MBNL1: variants seen among roughly 807,000 people sequenced by gnomAD.
MBNL1 encodes muscleblind-like protein 1.
MBNL1 carries 8 observed loss-of-function variants against 42.2 expected under a neutral mutation model. The ratio of observed to expected loss-of-function variants is 0.19; its 90% CI spans 0.11 to 0.34. The LOEUF (loss-of-function observed/expected upper bound fraction) is 0.34. Among genes scored for constraint, MBNL1 ranks in the 10% least tolerant of loss-of-function variants. MBNL1 has a pLI of 1.00. For missense variants in MBNL1, 309 were observed against 495.3 expected, an observed-to-expected ratio of 0.62 and a Z score of 3.57; for synonymous variants, 169 against 173.9, an observed-to-expected ratio of 0.97 and a Z score of 0.22.
chr3:152,377,129 C>G (rs985074627), intron 2 of MBNL1, among the ~76,000 whole-genome samples: 3 of 152,140 alleles, frequency 2.0e-5, no homozygotes, highest in Admixed American at 2.0e-4. Context: ...AGTGAGAAGC[C>G]ATTAATGATG....
At chr3:152,352,239 C>T (rs1029764334) in intron 2 of MBNL1, among the ~76,000 whole-genome samples, 2 of 152,034 alleles carry the variant, frequency 1.3e-5, no homozygotes, top group African/African-American at 2.4e-5. Context: ...AAAATATGGC[C>T]GATGACAGCT....
At chr3:152,338,542 A>G (rs1385109967) in intron 2 of MBNL1, 2 of 985,212 alleles carry the variant, frequency 2.0e-6, no homozygotes, top group Admixed American at 1.2e-4. Flanking sequence ...CCTAGCCTGG[A>G]CACTCAGTGG....
At chr3:152,315,224 G>A (rs540568162) in intron 2 of MBNL1, among the ~76,000 whole-genome samples, 4 of 152,314 alleles carry the variant, frequency 2.6e-5, no homozygotes, top group Non-Finnish European at 4.4e-5. Context: ...AAATGGTGCC[G>A]TAAGGCTTTC....
At chr3:152,314,311 A>C (rs1227469907) in intron 2 of MBNL1, among the ~76,000 whole-genome samples, 11 of 147,248 alleles carry the variant, frequency 7.5e-5, no homozygotes, top group African/African-American at 2.5e-4. Context: ...TCCCCCTTTC[A>C]CTGTCACTCA....
chr3:152,286,301 T>A (rs1012006740), intron 1 of MBNL1, among the ~76,000 whole-genome samples: 1 of 144,992 alleles, frequency 6.9e-6, no homozygotes, highest in Non-Finnish European at 1.5e-5. Flanking sequence ...AATATTTAAT[T>A]ATATTTTATT....
At chr3:152,396,603 T>TTTCACAGCGCAC (rs2097951601) in intron 2 of MBNL1, among the ~76,000 whole-genome samples, 1 of 152,214 alleles carries the variant, frequency 6.6e-6, no homozygotes, top group South Asian at 2.1e-4. Context: ...CCTCTGCATT[T>TTTCACAGCGCAC]TTTCCACCCT....
chr3:152,354,756 AT>A (rs1435941255), intron 2 of MBNL1, among the ~76,000 whole-genome samples: 1 of 152,172 alleles, frequency 6.6e-6, no homozygotes, highest in Non-Finnish European at 1.5e-5. Context: ...ATGTTGTAGA[AT>A]TATGTATTTT....
intron 2 of MBNL1, among the ~76,000 whole-genome samples, chr3:152,317,824 A>G (rs1040983556): frequency 6.6e-6 from 1 of 152,232 alleles, no homozygotes. Flanking sequence ...TAAAGGATAC[A>G]TTGTAACCTA....
intron 2 of MBNL1, among the ~76,000 whole-genome samples, chr3:152,403,639 T>C (rs921833260): frequency 2.0e-5 from 3 of 152,152 alleles, no homozygotes; most frequent in Admixed American, 6.5e-5. Context: ...AGAAAACCAG[T>C]GGAATTCTCT....
chr3:152,398,410 A>G (rs1283310433), intron 2 of MBNL1, among the ~76,000 whole-genome samples: 1 of 152,130 alleles, frequency 6.6e-6, no homozygotes, highest in Non-Finnish European at 1.5e-5. Flanking sequence ...TAGGGTGTGT[A>G]GTAAATTATT....
At chr3:152,459,404 AT>A in intron 9 of MBNL1, 59 bp downstream of exon 9, 1 of 964,066 alleles carries the variant, frequency 1.0e-6, no homozygotes, top group Non-Finnish European at 1.5e-6. Context: ...TAAGATAGCA[AT>A]TGTATAGTGC....
intron 2 of MBNL1, among the ~76,000 whole-genome samples, chr3:152,382,425 G>A (rs530652035): frequency 3.9e-5 from 6 of 151,972 alleles, no homozygotes; most frequent in Non-Finnish European, 5.9e-5. Flanking sequence ...TTCATACGTT[G>A]TGTTAGCAAG....
At chr3:152,391,278 C>T (rs540578457) in intron 2 of MBNL1, among the ~76,000 whole-genome samples, 4 of 152,084 alleles carry the variant, frequency 2.6e-5, no homozygotes, top group African/African-American at 9.6e-5. Context: ...ATTAAGTTGC[C>T]CTTTCTTAGA....
At chr3:152,377,276 A>G (rs547517987) in intron 2 of MBNL1, among the ~76,000 whole-genome samples, 43 of 152,238 alleles carry the variant, frequency 2.8e-4, no homozygotes, top group African/African-American at 9.9e-4. Flanking sequence ...TGGGCCTTTG[A>G]ATCTGGGTTG....
intron 2 of MBNL1, among the ~76,000 whole-genome samples, chr3:152,371,946 A>G (rs1438967984): frequency 1.3e-5 from 2 of 152,056 alleles, no homozygotes; most frequent in East Asian, 3.9e-4. Flanking sequence ...CCAGTCAAAC[A>G]TAGGTTTGGT....
At chr3:152,243,868 C>A (rs538751772) in exon 1 of MBNL1, 1 of 152,486 alleles carries the variant, frequency 6.6e-6, no homozygotes, top group Non-Finnish European at 1.5e-5. Flanking sequence ...GCAATGGCCG[C>A]GATCTCAGCT....
intron 1 of MBNL1, among the ~76,000 whole-genome samples, chr3:152,275,714 A>C (rs1212633248): frequency 2.7e-5 from 4 of 150,328 alleles, no homozygotes; most frequent in Non-Finnish European, 5.9e-5. Context: ...TCTCAAAAAA[A>C]AAAAAAAAAA....
chr3:152,314,846 A>G (rs1263130598), intron 2 of MBNL1, among the ~76,000 whole-genome samples: 5 of 152,162 alleles, frequency 3.3e-5, no homozygotes, highest in Admixed American at 1.3e-4. Flanking sequence ...GCCTAGTCCT[A>G]TGGCCAGTTC....
At chr3:152,445,902 G>C (rs1333909541) in intron 5 of MBNL1, among the ~76,000 whole-genome samples, 1 of 152,118 alleles carries the variant, frequency 6.6e-6, no homozygotes, top group Non-Finnish European at 1.5e-5. Context: ...CCTTTGGTGT[G>C]TTCTTTTGCA....
Sources: gnomAD v4.1 joint callset for allele counts (sites outside exome capture counted in the v4.1 genomes callset) on GRCh38, gnomAD v4.1.1 for gene constraint, MANE v1.5 for transcripts, NCBI Gene and HGNC (gene_info 2026-07-23, HGNC 2026-07-21) for gene names.